SERINC5: variants seen among roughly 807,000 people sequenced by gnomAD.
The protein encoded by SERINC5 is serine incorporator 5, also known as chromosome 5 open reading frame 12.
SERINC5 carries 41 observed loss-of-function variants against 63.1 expected under a neutral mutation model. The ratio of observed to expected loss-of-function variants is 0.65; its 90% confidence interval spans 0.51 to 0.84. The LOEUF is 0.84. SERINC5 is among the 40% of genes least tolerant of loss of function. The probability of loss-of-function intolerance (pLI) is 0.00; values close to 1 mark genes in which losing one functional copy is unlikely to be tolerated. For synonymous variants in SERINC5, 222 were observed against 215.2 expected (o/e 1.03, Z -0.28); for missense variants, 523 against 573.0 (o/e 0.91, Z 0.89).
At chr5:80,183,358 C>CA (rs1748577984) in intron 2 of SERINC5, among the ~76,000 whole-genome samples, 1 of 152,106 alleles carries the variant, frequency 6.6e-6, no homozygotes, top group Non-Finnish European at 1.5e-5. Flanking sequence ...TGCTCTTTAA[C>CA]ACCTTAGGGC....
intron 1 of SERINC5, among the ~76,000 whole-genome samples, chr5:80,246,419 T>C (rs1345974427): frequency 6.6e-6 from 1 of 152,248 alleles, no homozygotes; most frequent in African/African-American, 2.4e-5. Context: ...TCGCTAGTTA[T>C]CTTTTCATAA....
intron 9 of SERINC5, among the ~76,000 whole-genome samples, chr5:80,148,861 C>T (rs78858608): frequency 0.06 from 9,177 of 152,104 alleles, 358 homozygotes; most frequent in East Asian, 0.13. Flanking sequence ...AAGGCCAAGC[C>T]CTTGTTTCCC....
chr5:80,183,159 A>G (rs1208375373), intron 2 of SERINC5, among the ~76,000 whole-genome samples: 1 of 152,218 alleles, frequency 6.6e-6, no homozygotes, highest in Non-Finnish European at 1.5e-5. Flanking sequence ...AGGTAACCCC[A>G]GGCAGAGAAA....
rs70982042 is a variant in SERINC5, at chr5:80,230,459, A to AAAAAAAAAAAAAAAG, written c.27+25436_27+25437insCTTTTTTTTTTTTTT. ...CAAGACTGTCACAAAAAAAAAAAAA[A>AAAAAAAAAAAAAAAG]AAAGAAACCATTGCTCTTCAAATTT... On this transcript the variant is annotated intron_variant, in intron 1 of 11. Coordinates refer to ENST00000507668, the MANE Select transcript of SERINC5 (RefSeq NM_001174072.3). Among the ~76,000 whole-genome samples, 146 of 128,592 alleles carry AAAAAAAAAAAAAAAG rather than the reference A, an allele frequency of 1.1e-3. 4 individuals carry two copies. Among genetic ancestry groups the AAAAAAAAAAAAAAAG allele is most frequent in the African/African-American group, 1.7e-3 (55 of 32,002 alleles). 84.4% of individuals were successfully genotyped at this position (128,592 alleles called of 152,430 possible).
intron 5 of SERINC5, among the ~76,000 whole-genome samples, chr5:80,173,277 G>T (rs1561393259): frequency 1.5e-4 from 21 of 141,634 alleles, no homozygotes; most frequent in African/African-American, 5.7e-4. Flanking sequence ...AAGGAAGGAA[G>T]GAAGAAAATG....
chr5:80,118,164 T>C (rs1017504308), intron 11 of SERINC5, among the ~76,000 whole-genome samples: 3 of 151,848 alleles, frequency 2.0e-5, no homozygotes, highest in African/African-American at 7.3e-5. Context: ...GATCACACCA[T>C]TGCACTCCAG....
intron 2 of SERINC5, among the ~76,000 whole-genome samples, chr5:80,187,774 GCTC>G (rs1748908893): frequency 6.6e-6 from 1 of 152,162 alleles, no homozygotes. Context: ...CGAGTTCACA[GCTC>G]CTCCTCCACC....
chr5:80,221,006 C>T (rs1373966564), intron 1 of SERINC5, among the ~76,000 whole-genome samples: 1 of 152,074 alleles, frequency 6.6e-6, no homozygotes, highest in African/African-American at 2.4e-5. Context: ...CCCCCCAAAA[C>T]AGGTCAGCCC....
rs574596956 is a variant in SERINC5, at chr5:80,142,168, C to T, written c.*1495G>A. The T allele has an allele frequency of 6.1e-6, 6 of 985,290 alleles. No homozygotes were observed. Among genetic ancestry groups the T allele is most frequent in the South Asian group, 4.7e-5 (1 of 21,290 alleles). 61.0% of individuals were successfully genotyped at this position (985,290 alleles called of 1,614,324 possible). ...CCGAATGAAATTCTAACAGGAGTTT[C>T]CACCAAGTAAACCTTTTCCCTGCCT... On this transcript the variant is annotated 3_prime_UTR_variant, in exon 12 of 12. Coordinates refer to ENST00000507668, the MANE Select transcript of SERINC5 (RefSeq NM_001174072.3).
intron 1 of SERINC5, among the ~76,000 whole-genome samples, chr5:80,208,313 G>A (rs1750267591): frequency 6.6e-6 from 1 of 150,394 alleles, no homozygotes; most frequent in Non-Finnish European, 1.5e-5. Flanking sequence ...GGGGAGGGGA[G>A]GTATATGGGA....
At chr5:80,224,423 G>C (rs942832825) in intron 1 of SERINC5, among the ~76,000 whole-genome samples, 1 of 151,936 alleles carries the variant, frequency 6.6e-6, no homozygotes, top group African/African-American at 2.4e-5. Flanking sequence ...GCTGCAATGA[G>C]CAGATACTGC....
chr5:80,165,318 T>C (rs1406438395), intron 7 of SERINC5, among the ~76,000 whole-genome samples: 4 of 152,162 alleles, frequency 2.6e-5, no homozygotes, highest in Non-Finnish European at 4.4e-5. Context: ...ATGCTAAAAC[T>C]TTCAAAATTA....
At chr5:80,185,127 G>A (rs369677531) in intron 2 of SERINC5, among the ~76,000 whole-genome samples, 7 of 151,954 alleles carry the variant, frequency 4.6e-5, no homozygotes, top group South Asian at 4.2e-4. Context: ...TGCCTGCCTC[G>A]GCCTCCCAAA....
chr5:80,128,188 T>C (rs1160623471), intron 11 of SERINC5, among the ~76,000 whole-genome samples: 1 of 152,216 alleles, frequency 6.6e-6, no homozygotes, highest in East Asian at 1.9e-4. Flanking sequence ...TCTTTGAAAG[T>C]ATGTTTGTTT....
intron 5 of SERINC5, among the ~76,000 whole-genome samples, chr5:80,169,752 T>C (rs969651229): frequency 2.6e-5 from 4 of 152,228 alleles, no homozygotes; most frequent in African/African-American, 9.6e-5. Context: ...TGGAAACTTC[T>C]TGACTCAAGC....
intron 11 of SERINC5, among the ~76,000 whole-genome samples, chr5:80,145,275 G>A (rs1329610339): frequency 5.3e-5 from 8 of 152,036 alleles, no homozygotes; most frequent in African/African-American, 1.9e-4. Flanking sequence ...ACCCAGGGGC[G>A]GAGGTTGCAG....
At chr5:80,199,294 C>T (rs950953000) in intron 2 of SERINC5, among the ~76,000 whole-genome samples, 1 of 152,120 alleles carries the variant, frequency 6.6e-6, no homozygotes, top group Non-Finnish European at 1.5e-5. Flanking sequence ...TTAAATGGCT[C>T]GATGTTTCAG....
chr5:80,173,881 T>C (rs1479990216), intron 5 of SERINC5, among the ~76,000 whole-genome samples: 1 of 151,548 alleles, frequency 6.6e-6, no homozygotes, highest in African/African-American at 2.4e-5. Flanking sequence ...CCACTAAAAA[T>C]CCAAAAAAAG....
At chr5:80,137,667 C>T (rs750126830), downstream of SERINC5, among the ~76,000 whole-genome samples, 42 of 118,046 alleles carry the variant, frequency 3.6e-4, no homozygotes, top group Admixed American at 9.3e-4. Flanking sequence ...GTGAGCTGGG[C>T]GCAGTGGCTC....
Sources: gnomAD v4.1 joint callset for allele counts (sites outside exome capture counted in the v4.1 genomes callset) on GRCh38, gnomAD v4.1.1 for gene constraint, MANE v1.5 for transcripts, NCBI Gene and HGNC (gene_info 2026-07-23, HGNC 2026-07-21) for gene names.